SMARCD3: variants seen among roughly 807,000 people sequenced by gnomAD.
The protein encoded by SMARCD3 is SWI/SNF-related matrix-associated actin-dependent regulator of chromatin subfamily D member 3.
Under a neutral mutation model 58.0 loss-of-function variants are expected in SMARCD3, and 14 were observed. That is an observed-to-expected ratio of 0.24 (90% CI 0.16 to 0.38). The LOEUF (loss-of-function observed/expected upper bound fraction) is 0.38, where lower values mean the gene tolerates loss of function less well. Among genes scored for constraint, SMARCD3 ranks in the 10% least tolerant of loss-of-function variants. The pLI is 1.00. For synonymous variants in SMARCD3, 253 were observed against 253.8 expected, an observed-to-expected ratio of 1.00 and a Z score of 0.03; for missense variants, 408 against 636.9, an observed-to-expected ratio of 0.64 and a Z score of 3.87.
Position 151,243,196 on chromosome 7 carries a change from G to A in SMARCD3, c.334-353C>T, listed in dbSNP as rs1459444434. Among the ~76,000 whole-genome samples the A allele has an allele frequency of 1.3e-5, 2 of 152,132 alleles. No individual in the cohort carries two copies. Among genetic ancestry groups the A allele is most frequent in the Non-Finnish European group, 2.9e-5 (2 of 68,016 alleles). On this transcript the variant is annotated intron_variant, in intron 3 of 12. Transcript: ENST00000262188. The surrounding 1 kb of genome is among the most constrained non-coding windows in gnomAD (Gnocchi z 4.4). ...TGGGCTTCCCCTGGGCCCCTGCAAAGTGCCTAGTAGGGGCTCAATCCCTGA... is the reference window on the plus strand; with the variant it reads ...TGGGCTTCCCCTGGGCCCCTGCAAAATGCCTAGTAGGGGCTCAATCCCTGA...
upstream of SMARCD3, among the ~76,000 whole-genome samples, chr7:151,252,188 C>T (rs1278167211): frequency 6.6e-6 from 1 of 151,910 alleles, no homozygotes; most frequent in Non-Finnish European, 1.5e-5. Flanking sequence ...GCTCGGGGGG[C>T]GCGGCAGGAG....
chr7:151,264,462 G>T, intron 2 of SMARCD3, among the ~76,000 whole-genome samples: 1 of 152,174 alleles, frequency 6.6e-6, no homozygotes, highest in East Asian at 1.9e-4. Flanking sequence ...GTGGGAAGAG[G>T]AGAGCATGAT....
intron 2 of SMARCD3, among the ~76,000 whole-genome samples, chr7:151,273,441 C>T (rs1795239460): frequency 6.6e-6 from 1 of 152,250 alleles, no homozygotes; most frequent in Non-Finnish European, 1.5e-5. Flanking sequence ...GGGACCACTT[C>T]AGGTGCACCC....
intron 2 of SMARCD3, among the ~76,000 whole-genome samples, chr7:151,262,910 A>G (rs1231880756): frequency 6.6e-6 from 1 of 152,192 alleles, no homozygotes; most frequent in Non-Finnish European, 1.5e-5. Context: ...AGAGTCATGA[A>G]TAGTGGAAAG....
At chr7:151,252,070 C>A (rs578012633), upstream of SMARCD3, among the ~76,000 whole-genome samples, 57 of 152,072 alleles carry the variant, frequency 3.7e-4, 1 homozygote, top group African/African-American at 1.1e-3. Flanking sequence ...AGGAGGGATG[C>A]GGGGAAGAGA....
At chr7:151,240,743 C>T (rs114895200) in intron 8 of SMARCD3, 143 of 557,608 alleles carry the variant, frequency 2.6e-4, no homozygotes, top group African/African-American at 2.3e-3. Flanking sequence ...GTTGAGAGTG[C>T]GGGCCCTGGG....
rs1194276412 is a variant in SMARCD3, at chr7:151,246,690, T to G, written c.79-1019A>C. ...GAGGCGGCTCCTCCTCCCTTGCCAC[T>G]ACCCCTGGGTGGTCAGATGGGGTGT... On this transcript the variant is annotated intron_variant, in intron 1 of 12. Transcript: ENST00000262188. The surrounding 1 kb of genome is among the most constrained non-coding windows in gnomAD (Gnocchi z 4.4). 6.6e-6 allele frequency among the ~76,000 whole-genome samples: 1 copy of G among 152,112 alleles called. No individual in the cohort carries two copies. The highest frequency in any genetic ancestry group is 2.4e-5 in the African/African-American group (1 of 41,412).
rs1316443182 is a variant in SMARCD3 at position 151,246,953 on chromosome 7, T to C, written c.79-1282A>G. Among the ~76,000 whole-genome samples, 1 of 152,078 alleles carries C rather than the reference T, an allele frequency of 6.6e-6. No homozygotes were observed. The highest frequency in any genetic ancestry group is 1.9e-4 in the East Asian group (1 of 5,178). On this transcript the variant is annotated intron_variant, in intron 1 of 12. Coordinates refer to ENST00000262188, the MANE Select transcript of SMARCD3 (RefSeq NM_001003801.2). This position sits in a 1 kb window ranked among gnomAD's most constrained non-coding sequence, Gnocchi z 4.4. ...CCCCAGGCATGAGGAGGGGCCCCCT[T>C]GGGCTTGCTGTTTTCCTTCCAACTG...
Position 151,246,362 on chromosome 7 carries a change from C to T in SMARCD3, c.79-691G>A, listed in dbSNP as rs1803263630. ...CCCCTCGGCTGACTCCAAGTCCCCACATCCAGGGTCTTCGCTGACCAAGCT... is the reference window on the plus strand; with the variant it reads ...CCCCTCGGCTGACTCCAAGTCCCCATATCCAGGGTCTTCGCTGACCAAGCT... On this transcript the variant is annotated intron_variant, in intron 1 of 12. Coordinates refer to ENST00000262188, the MANE Select transcript of SMARCD3 (RefSeq NM_001003801.2). This position sits in a 1 kb window ranked among gnomAD's most constrained non-coding sequence, Gnocchi z 4.4. Among the ~76,000 whole-genome samples, 1 of 152,228 alleles carries T rather than the reference C, an allele frequency of 6.6e-6. No homozygotes were observed. Among genetic ancestry groups the T allele is most frequent in the Non-Finnish European group, 1.5e-5 (1 of 68,042 alleles).
At chr7:151,255,904 A>G (rs12668799) in intron 2 of SMARCD3, among the ~76,000 whole-genome samples, 90,262 of 150,170 alleles carry the variant, frequency 0.6, 27,415 homozygotes, top group East Asian at 0.85. Flanking sequence ...TTTTTGAGAC[A>G]GAGTCTTGCT....
At chr7:151,240,006 T>G in intron 10 of SMARCD3, 106 bp downstream of exon 10, 1 of 1,140,478 alleles carries the variant, frequency 8.8e-7, no homozygotes, top group South Asian at 1.5e-5. Context: ...TTTTTTTTTT[T>G]AATTTAACCC....
intron 2 of SMARCD3, among the ~76,000 whole-genome samples, chr7:151,257,754 C>T (rs1803750574): frequency 6.6e-6 from 1 of 152,142 alleles, no homozygotes; most frequent in African/African-American, 2.4e-5. Flanking sequence ...TTCTCCTTCC[C>T]TCTCCATGCA....
rs557869689 is a variant in SMARCD3 at position 151,258,219 on chromosome 7, T to C, written c.40-12548A>G. The stretch of plus-strand genomic sequence containing the variant: ...AAACCACAGCTACTGGGTAGCCTGC[T>C]TCCAGCCTCACCCCAACAGTCTGTT... On this transcript the variant is annotated intron_variant, in intron 2 of 13. Transcript: ENST00000356800. Among the ~76,000 whole-genome samples, 24 of 152,216 alleles carry C rather than the reference T, an allele frequency of 1.6e-4. 1 individual carries two copies. The South Asian group carries it at 3.3e-3, about 21-fold the overall frequency.
intron 2 of SMARCD3, among the ~76,000 whole-genome samples, chr7:151,270,607 TGGAG>T (rs1795146617): frequency 6.6e-6 from 1 of 151,886 alleles, no homozygotes; most frequent in African/African-American, 2.4e-5. Flanking sequence ...GGAACTGACG[TGGAG>T]GCTTCAAGGA....
chr7:151,251,010 T>C (rs1331803253), upstream of SMARCD3, among the ~76,000 whole-genome samples: 1 of 152,176 alleles, frequency 6.6e-6, no homozygotes, highest in Non-Finnish European at 1.5e-5. Flanking sequence ...CCCTAGGCTT[T>C]GTTAAAGCTC....
At chr7:151,258,024 T>A (rs555716613) in intron 2 of SMARCD3, among the ~76,000 whole-genome samples, 2 of 151,944 alleles carry the variant, frequency 1.3e-5, no homozygotes, top group African/African-American at 2.4e-5. Flanking sequence ...TCAAACCCCA[T>A]CCTCCGCCCA....
At chr7:151,244,167 A>G (rs1803143095) in intron 2 of SMARCD3, among the ~76,000 whole-genome samples, 1 of 152,102 alleles carries the variant, frequency 6.6e-6, no homozygotes, top group African/African-American at 2.4e-5. Context: ...ATGGAGCGGG[A>G]GGTGACGGTG....
chr7:151,268,867 G>A (rs564097582), intron 2 of SMARCD3, among the ~76,000 whole-genome samples: 1 of 152,192 alleles, frequency 6.6e-6, no homozygotes, highest in African/African-American at 2.4e-5. Flanking sequence ...GCCTCCCAAA[G>A]TGCCGAGATT....
Position 151,239,039 on chromosome 7 carries a change from G to A in SMARCD3, c.*64C>T, listed in dbSNP as rs949858581. 22 of 1,516,858 alleles carry A rather than the reference G, an allele frequency of 1.5e-5. No individual in the cohort carries two copies. Among genetic ancestry groups the A allele is most frequent in the Admixed American group, 5.0e-5 (3 of 59,880 alleles). 94.0% of individuals were successfully genotyped at this position (1,516,858 alleles called of 1,614,324 possible). ...TGGCAGAGGAGTGATGCTGGAGCCC[G>A]GGGCAAAATGCTGGGGCCCGGGACA... On this transcript the variant is annotated 3_prime_UTR_variant, in exon 13 of 13. Coordinates refer to ENST00000262188, the MANE Select transcript of SMARCD3 (RefSeq NM_001003801.2). This position sits in a 1 kb window ranked among gnomAD's most constrained non-coding sequence, Gnocchi z 7.0.
Sources: gnomAD v4.1 joint callset for allele counts (sites outside exome capture counted in the v4.1 genomes callset) on GRCh38, gnomAD v4.1.1 for gene constraint, Gnocchi (gnomAD v3.1) non-coding constraint, MANE v1.5 for transcripts, NCBI Gene and HGNC (gene_info 2026-07-23, HGNC 2026-07-21) for gene names.